RABGAP1L: variants seen among roughly 807,000 people sequenced by gnomAD.
RABGAP1L encodes the protein RAB GTPase activating protein 1 like, also known as rab GTPase-activating protein 1-like.
Under a neutral mutation model 137.7 loss-of-function variants are expected in RABGAP1L, and 63 were observed. That is an observed-to-expected ratio of 0.46 (90% CI 0.37 to 0.56). The LOEUF (loss-of-function observed/expected upper bound fraction) is 0.56, where lower values mean the gene tolerates loss of function less well. Among genes scored for constraint, RABGAP1L ranks in the 20% least tolerant of loss-of-function variants. The pLI, the probability that RABGAP1L is intolerant of heterozygous loss-of-function variation, is 0.00. For synonymous variants in RABGAP1L, 431 were observed against 433.7 expected, an observed-to-expected ratio of 0.99 and a Z score of 0.08; for missense variants, 1,095 against 1,244.0, an observed-to-expected ratio of 0.88 and a Z score of 1.80.
intron 19 of RABGAP1L, among the ~76,000 whole-genome samples, chr1:174,873,530 C>G (rs1435702453): frequency 7.5e-6 from 1 of 134,206 alleles, no homozygotes; most frequent in African/African-American, 2.9e-5. Context: ...TTTTTTTTTC[C>G]GAGATGGAAT....
chr1:174,840,634 C>CAAAA, intron 19 of RABGAP1L, among the ~76,000 whole-genome samples: 1 of 113,438 alleles, frequency 8.8e-6, no homozygotes, highest in Non-Finnish European at 1.8e-5. Context: ...ACTAAAAATA[C>CAAAA]AAAAAAAAAA....
chr1:174,521,052 C>T (rs1018337072), intron 13 of RABGAP1L, among the ~76,000 whole-genome samples: 6 of 151,980 alleles, frequency 3.9e-5, no homozygotes. Context: ...ACTAAAACAC[C>T]GTATTGAAGA....
At chr1:174,399,973 G>T (rs894749125) in intron 13 of RABGAP1L, among the ~76,000 whole-genome samples, 1 of 152,064 alleles carries the variant, frequency 6.6e-6, no homozygotes, top group African/African-American at 2.4e-5. Flanking sequence ...TTTACTTAAG[G>T]TTTGGCTTCC....
At chr1:174,907,489 A>G (rs897362244) in intron 19 of RABGAP1L, among the ~76,000 whole-genome samples, 1 of 151,456 alleles carries the variant, frequency 6.6e-6, no homozygotes, top group Non-Finnish European at 1.5e-5. Flanking sequence ...ATTTTTTTGT[A>G]TTTTTTGTAG....
At chr1:174,777,228 C>G (rs1266327074) in intron 18 of RABGAP1L, among the ~76,000 whole-genome samples, 1 of 152,166 alleles carries the variant, frequency 6.6e-6, no homozygotes, top group Non-Finnish European at 1.5e-5. Flanking sequence ...GGAGATAGCA[C>G]ATGGTCCAGA....
chr1:174,578,848 A>G (rs1572386364), intron 13 of RABGAP1L, among the ~76,000 whole-genome samples: 2 of 152,280 alleles, frequency 1.3e-5, no homozygotes, highest in South Asian at 4.1e-4. Context: ...ATTTTCTTAA[A>G]TTTATAAGAA....
intron 13 of RABGAP1L, among the ~76,000 whole-genome samples, chr1:174,590,074 A>G (rs1669449746): frequency 6.7e-6 from 1 of 148,802 alleles, no homozygotes. Flanking sequence ...TGATTCTTCT[A>G]ATCCATGAAC....
At chr1:174,575,011 A>G (rs1572373947) in intron 13 of RABGAP1L, among the ~76,000 whole-genome samples, 1 of 152,042 alleles carries the variant, frequency 6.6e-6, no homozygotes, top group South Asian at 2.1e-4. Flanking sequence ...GCTCACTGCA[A>G]CCTCCGCCTC....
chr1:174,975,969 A>C, intron 21 of RABGAP1L, 109 bp from the exon 22 acceptor site: 1 of 970,286 alleles, frequency 1.0e-6, no homozygotes, highest in Non-Finnish European at 1.6e-6. Context: ...AATGACTTGC[A>C]ATAATTTTGG....
At chr1:174,541,165 G>T (rs2147933797) in intron 13 of RABGAP1L, among the ~76,000 whole-genome samples, 1 of 152,284 alleles carries the variant, frequency 6.6e-6, no homozygotes, top group African/African-American at 2.4e-5. Context: ...TGCTGAAGTT[G>T]CTTATCAGCT....
rs957810651 is a variant in RABGAP1L at position 174,458,579 on chromosome 1, A to G, written c.1710+64434A>G. On this transcript the variant is annotated intron_variant, in intron 13 of 25. Transcript: ENST00000681986. ...GTTTTTCAGCTATATACCTGTCTGT[A>G]AATGAAACACAGATCTACTTTTTCT... is the stretch of plus-strand genomic sequence containing the variant. Among the ~76,000 whole-genome samples, 15 of 152,232 alleles carry G rather than the reference A, an allele frequency of 9.9e-5. No individual in the cohort carries two copies. In the East Asian group the frequency reaches 1.5e-3, roughly 16 times the overall value.
At chr1:174,424,612 C>T (rs989555168) in intron 13 of RABGAP1L, among the ~76,000 whole-genome samples, 2 of 152,002 alleles carry the variant, frequency 1.3e-5, no homozygotes, top group African/African-American at 4.8e-5. Flanking sequence ...GAAGAAGGTG[C>T]TGAGTAATTT....
chr1:174,549,870 A>C (rs1666294347), intron 13 of RABGAP1L, among the ~76,000 whole-genome samples: 1 of 152,132 alleles, frequency 6.6e-6, no homozygotes, highest in African/African-American at 2.4e-5. Flanking sequence ...AAATAATCTT[A>C]TGACAGCTGA....
intron 11 of RABGAP1L, among the ~76,000 whole-genome samples, chr1:174,306,222 C>T (rs956646149): frequency 7.9e-5 from 12 of 152,312 alleles, no homozygotes; most frequent in East Asian, 1.9e-4. Context: ...CTGCAATAAA[C>T]GTACGTGTGC....
intron 12 of RABGAP1L, among the ~76,000 whole-genome samples, chr1:174,376,870 A>C (rs570023149): frequency 6.6e-6 from 1 of 152,292 alleles, no homozygotes; most frequent in Non-Finnish European, 1.5e-5. Context: ...CAAGAAAAAG[A>C]AATAAAAGGC....
chr1:174,376,970 A>C (rs1685601664), intron 12 of RABGAP1L, among the ~76,000 whole-genome samples: 3 of 152,204 alleles, frequency 2.0e-5, no homozygotes, highest in Non-Finnish European at 2.9e-5. Flanking sequence ...CTACAAAACA[A>C]ACAAACAAAA....
intron 13 of RABGAP1L, among the ~76,000 whole-genome samples, chr1:174,571,100 A>C (rs189648190): frequency 6.6e-6 from 1 of 152,326 alleles, no homozygotes; most frequent in East Asian, 1.9e-4. Flanking sequence ...AAAAAGAAGG[A>C]GATCCAGTCA....
At chr1:174,548,374 T>C (rs2147970636) in intron 13 of RABGAP1L, 1 of 1,035,130 alleles carries the variant, frequency 9.7e-7, no homozygotes, top group East Asian at 6.6e-5. Flanking sequence ...AAAAGTCCTG[T>C]CTACCATATA....
chr1:174,477,092 G>T (rs1658585872), intron 13 of RABGAP1L, among the ~76,000 whole-genome samples: 1 of 152,130 alleles, frequency 6.6e-6, no homozygotes, highest in South Asian at 2.1e-4. Flanking sequence ...AACTGGGTGT[G>T]CTGAGATATC....
Sources: gnomAD v4.1 joint callset for allele counts (sites outside exome capture counted in the v4.1 genomes callset) on GRCh38, gnomAD v4.1.1 for gene constraint, MANE v1.5 for transcripts, NCBI Gene and HGNC (gene_info 2026-07-23, HGNC 2026-07-21) for gene names.